Variants in MMS22L observed in about 807,000 individuals in gnomAD.
MMS22L encodes the protein MMS22 like, DNA repair protein.
In MMS22L, 74 loss-of-function variants were observed where a neutral mutation model predicts 159.1. That is an observed-to-expected ratio of 0.47 (90% CI 0.39 to 0.56). The LOEUF is 0.56. Among genes scored for constraint, MMS22L ranks in the 20% least tolerant of loss-of-function variants. The probability of loss-of-function intolerance (pLI) is 0.00; values close to 1 mark genes in which losing one functional copy is unlikely to be tolerated. For missense variants in MMS22L, 1,351 were observed against 1,422.1 expected, an observed-to-expected ratio of 0.95 and a Z score of 0.80; for synonymous variants, 517 against 506.9, an observed-to-expected ratio of 1.02 and a Z score of -0.27.
intron 18 of MMS22L, among the ~76,000 whole-genome samples, chr6:97,173,733 AGC>A (rs1803804831): frequency 6.6e-6 from 1 of 152,150 alleles, no homozygotes; most frequent in Non-Finnish European, 1.5e-5. Context: ...ATCTGATGCC[AGC>A]TTAACTTCTT....
intron 4 of MMS22L, 178 bp from the exon 5 acceptor site, chr6:97,273,240 A>G: frequency 1.7e-6 from 1 of 589,484 alleles, no homozygotes; most frequent in African/African-American, 1.9e-5. Flanking sequence ...AAAGTCACCA[A>G]TCACACCCAC....
chr6:97,171,837 T>G (rs1803578519), intron 19 of MMS22L, among the ~76,000 whole-genome samples: 1 of 152,192 alleles, frequency 6.6e-6, no homozygotes, highest in Non-Finnish European at 1.5e-5. Context: ...AAGTTTATAC[T>G]TTGCTCTTTC....
At chr6:97,190,049 CAT>C (rs1396333287) in intron 14 of MMS22L, among the ~76,000 whole-genome samples, 3 of 152,124 alleles carry the variant, frequency 2.0e-5, no homozygotes, top group African/African-American at 7.2e-5. Context: ...TTTAAAATCA[CAT>C]GTTTGAACCA....
At chr6:97,263,581 T>A (rs1017786523) in intron 8 of MMS22L, 133 bp from the exon 9 acceptor site, 12 of 436,882 alleles carry the variant, frequency 2.7e-5, no homozygotes, top group African/African-American at 2.5e-4. Flanking sequence ...AAATTATTTA[T>A]TGAAAATGTG....
At chr6:97,180,242 C>T (rs1257371230) in intron 16 of MMS22L, among the ~76,000 whole-genome samples, 1 of 152,118 alleles carries the variant, frequency 6.6e-6, no homozygotes, top group Non-Finnish European at 1.5e-5. Context: ...GCTGGGACTA[C>T]AGGCACCCGC....
intron 14 of MMS22L, among the ~76,000 whole-genome samples, chr6:97,218,564 A>C (rs1279826322): frequency 6.6e-6 from 1 of 152,196 alleles, no homozygotes; most frequent in Admixed American, 6.5e-5. Flanking sequence ...TAGGCATTCA[A>C]AAATACTAGT....
chr6:97,221,080 T>C (rs1053296548), intron 14 of MMS22L, among the ~76,000 whole-genome samples: 20 of 152,016 alleles, frequency 1.3e-4, no homozygotes, highest in African/African-American at 4.6e-4. Context: ...CTTATGATGA[T>C]AGCATTATCT....
chr6:97,225,896 C>G (rs1810196401), intron 14 of MMS22L, among the ~76,000 whole-genome samples: 1 of 152,116 alleles, frequency 6.6e-6, no homozygotes, highest in South Asian at 2.1e-4. Context: ...GAATGCTTTT[C>G]TAAATACACT....
chr6:97,272,573 G>T, intron 6 of MMS22L, 131 bp downstream of exon 6: 1 of 744,288 alleles, frequency 1.3e-6, no homozygotes, highest in African/African-American at 1.8e-5. Flanking sequence ...GGAGGATGGG[G>T]GGCAAGAATT....
chr6:97,201,861 T>C (rs1486923694), intron 14 of MMS22L, among the ~76,000 whole-genome samples: 1 of 152,198 alleles, frequency 6.6e-6, no homozygotes, highest in African/African-American at 2.4e-5. Flanking sequence ...GGATAAATAT[T>C]ACATTTTCAA....
intron 9 of MMS22L, among the ~76,000 whole-genome samples, chr6:97,255,874 T>C (rs1333264208): frequency 1.3e-5 from 2 of 152,164 alleles, no homozygotes; most frequent in African/African-American, 2.4e-5. Flanking sequence ...TTCATCACTA[T>C]AAAACAACTT....
chr6:97,272,638 T>C, intron 6 of MMS22L, 66 bp downstream of exon 6: 4 of 1,395,842 alleles, frequency 2.9e-6, no homozygotes, highest in Non-Finnish European at 3.9e-6. Flanking sequence ...TCTCTCCTTC[T>C]TGAATGAATA....
chr6:97,270,351 A>AT (rs139724347), intron 6 of MMS22L: 12 of 452,326 alleles, frequency 2.7e-5, no homozygotes, highest in South Asian at 6.3e-5. Flanking sequence ...TAGCTAGGAA[A>AT]TTTTTTTTAA....
At chr6:97,282,254 A>G in intron 2 of MMS22L, 60 bp downstream of exon 2, 2 of 1,551,300 alleles carry the variant, frequency 1.3e-6, no homozygotes, top group Middle Eastern at 3.4e-4. Flanking sequence ...GAAATAACTA[A>G]CATTCCTAAA....
chr6:97,256,323 T>G (rs1269625360), intron 9 of MMS22L, among the ~76,000 whole-genome samples: 1 of 152,204 alleles, frequency 6.6e-6, no homozygotes, highest in Non-Finnish European at 1.5e-5. Context: ...CTACTCACTT[T>G]AGATGGTACT....
rs1024014602 is a variant in MMS22L at position 97,226,590 on chromosome 6, G to A, written c.2039+2304C>T. On this transcript the variant is annotated intron_variant, in intron 14 of 24. Coordinates refer to ENST00000683635, the MANE Select transcript of MMS22L (RefSeq NM_001350599.2). The stretch of plus-strand genomic sequence containing the variant: ...GCTCGGGTGCACAGAGTGAAACTCC[G>A]TCTCAAAATATATATGTATATATTC... Among the ~76,000 whole-genome samples the A allele has an allele frequency of 4.6e-5, 7 of 151,816 alleles. No individual in the cohort carries two copies. The South Asian group carries it at 6.2e-4, about 14-fold the overall frequency.
chr6:97,152,839 CTTT>C (rs869235389), intron 22 of MMS22L, among the ~76,000 whole-genome samples: 2 of 121,496 alleles, frequency 1.6e-5, no homozygotes, highest in African/African-American at 3.1e-5. Flanking sequence ...TGAGTATTTT[CTTT>C]TTTTTTTTTT....
At chr6:97,273,273 G>A (rs527706954) in intron 4 of MMS22L, among the ~76,000 whole-genome samples, 3 of 152,222 alleles carry the variant, frequency 2.0e-5, no homozygotes, top group African/African-American at 4.8e-5. Flanking sequence ...AATAGACAGT[G>A]CCTACCCTCA....
intron 14 of MMS22L, among the ~76,000 whole-genome samples, chr6:97,220,354 G>A (rs918333790): frequency 6.6e-6 from 1 of 152,138 alleles, no homozygotes; most frequent in Admixed American, 6.6e-5. Flanking sequence ...CTATTAGAGT[G>A]TCACTAAAAG....
Sources: allele counts gnomAD v4.1 joint callset (sites outside exome capture counted in the v4.1 genomes callset), GRCh38; gene constraint gnomAD v4.1.1; transcripts MANE v1.5; gene names NCBI Gene and HGNC (gene_info 2026-07-23, HGNC 2026-07-21).